SGCZ: variants seen among roughly 807,000 people sequenced by gnomAD.
SGCZ encodes the protein sarcoglycan zeta.
In SGCZ, 40 loss-of-function variants were observed where a neutral mutation model predicts 41.3. The ratio of observed to expected loss-of-function variants is 0.97; its 90% CI spans 0.75 to 1.26. The LOEUF (loss-of-function observed/expected upper bound fraction) is 1.26. Among genes scored for constraint, SGCZ ranks in the 50% most tolerant of loss-of-function variants. The pLI is 0.00. For missense variants in SGCZ, 552 were observed against 369.8 expected, an observed-to-expected ratio of 1.49 and a Z score of -4.04; for synonymous variants, 206 against 137.5, an observed-to-expected ratio of 1.50 and a Z score of -3.49.
intron 1 of SGCZ, among the ~76,000 whole-genome samples, chr8:14,930,724 A>C (rs1382616188): frequency 6.6e-6 from 1 of 152,004 alleles, no homozygotes; most frequent in Non-Finnish European, 1.5e-5. Flanking sequence ...TTCTCAGCAG[A>C]CTAACACAGG....
chr8:14,897,195 A>C (rs1805233093), intron 1 of SGCZ, among the ~76,000 whole-genome samples: 1 of 152,202 alleles, frequency 6.6e-6, no homozygotes, highest in Non-Finnish European at 1.5e-5. Context: ...ATGTAAAGGT[A>C]TTTTAATTAA....
At chr8:14,173,971 A>G (rs1256168300) in intron 4 of SGCZ, among the ~76,000 whole-genome samples, 1 of 152,120 alleles carries the variant, frequency 6.6e-6, no homozygotes, top group Non-Finnish European at 1.5e-5. Flanking sequence ...TATATTAATA[A>G]CTGCTAAGTA....
intron 1 of SGCZ, among the ~76,000 whole-genome samples, chr8:14,946,634 C>T (rs1800456558): frequency 6.6e-6 from 1 of 151,106 alleles, no homozygotes; most frequent in South Asian, 2.1e-4. Flanking sequence ...AGGATTGGCA[C>T]TGCTTCATAC....
intron 2 of SGCZ, among the ~76,000 whole-genome samples, chr8:14,489,866 C>CATTTTTGTT (rs142314868): frequency 7.3e-6 from 1 of 137,536 alleles, no homozygotes; most frequent in African/African-American, 2.8e-5. Flanking sequence ...AATTCTCCTA[C>CATTTTTGTT]CTTTTTTTTT....
intron 1 of SGCZ, among the ~76,000 whole-genome samples, chr8:14,743,036 T>A (rs534907966): frequency 6.6e-6 from 1 of 152,252 alleles, no homozygotes; most frequent in East Asian, 1.9e-4. Flanking sequence ...CTAATCTGCT[T>A]AATTAACTCA....
intron 1 of SGCZ, among the ~76,000 whole-genome samples, chr8:15,188,733 A>T (rs1336925804): frequency 6.6e-6 from 1 of 152,166 alleles, no homozygotes; most frequent in African/African-American, 2.4e-5. Flanking sequence ...TAATAAATAC[A>T]CATGCTGCAA....
intron 1 of SGCZ, among the ~76,000 whole-genome samples, chr8:15,220,921 C>G (rs952962753): frequency 6.6e-6 from 1 of 152,070 alleles, no homozygotes; most frequent in Admixed American, 6.5e-5. Flanking sequence ...GTACAGAAAA[C>G]CAAACACCAC....
intron 1 of SGCZ, among the ~76,000 whole-genome samples, chr8:14,653,359 A>C (rs2117461624): frequency 6.6e-6 from 1 of 152,254 alleles, no homozygotes; most frequent in Non-Finnish European, 1.5e-5. Context: ...TGAATGAAAG[A>C]AACATTTGAA....
chr8:14,250,573 C>T (rs971275334), intron 3 of SGCZ, among the ~76,000 whole-genome samples: 1 of 152,132 alleles, frequency 6.6e-6, no homozygotes, highest in African/African-American at 2.4e-5. Context: ...TATGGAACCA[C>T]ACATGAAAAG....
chr8:14,357,327 C>A (rs1803335397), intron 2 of SGCZ, among the ~76,000 whole-genome samples: 1 of 152,100 alleles, frequency 6.6e-6, no homozygotes, highest in Non-Finnish European at 1.5e-5. Context: ...TCTCAGTACA[C>A]TGAAATCTCA....
chr8:15,048,496 C>A (rs1250148110), intron 1 of SGCZ, among the ~76,000 whole-genome samples: 3 of 152,006 alleles, frequency 2.0e-5, no homozygotes, highest in African/African-American at 7.2e-5. Context: ...ACATCCCTAA[C>A]ACAAAGAAAT....
chr8:14,174,086 T>C (rs984790576), intron 4 of SGCZ, among the ~76,000 whole-genome samples: 2 of 151,894 alleles, frequency 1.3e-5, no homozygotes, highest in African/African-American at 4.8e-5. Flanking sequence ...ACAAAATATA[T>C]AGAATAAATA....
chr8:14,537,485 T>C (rs1198999246), intron 2 of SGCZ, among the ~76,000 whole-genome samples: 4 of 151,892 alleles, frequency 2.6e-5, no homozygotes, highest in Admixed American at 6.6e-5. Flanking sequence ...TATTTCAATA[T>C]TTGGCCTCAT....
chr8:14,486,632 G>A (rs1407132583), intron 2 of SGCZ, among the ~76,000 whole-genome samples: 1 of 152,144 alleles, frequency 6.6e-6, no homozygotes. Flanking sequence ...GAAGTGCCAC[G>A]GCACCATCAC....
Position 14,513,660 on chromosome 8 carries a change from T to C in SGCZ, c.234+41072A>G, listed in dbSNP as rs1287119624. ...TTAAAACTTGTCCAATTAAGGACAC[T>C]GTTAGTGATTTAATAGGAAATAAAT... On this transcript the variant is annotated intron_variant, in intron 2 of 7. Coordinates refer to ENST00000382080, the MANE Select transcript of SGCZ (RefSeq NM_139167.4). Among the ~76,000 whole-genome samples the C allele has an allele frequency of 3.3e-5, 5 of 152,052 alleles. No homozygotes were observed. The East Asian group carries it at 7.7e-4, about 23-fold the overall frequency.
chr8:14,335,814 T>A (rs1448229664), intron 2 of SGCZ, among the ~76,000 whole-genome samples: 1 of 152,158 alleles, frequency 6.6e-6, no homozygotes, highest in East Asian at 1.9e-4. Context: ...TTTGTTTGTG[T>A]GTCAGCTTGT....
At chr8:14,146,313 G>T (rs1803518720) in intron 5 of SGCZ, among the ~76,000 whole-genome samples, 1 of 152,048 alleles carries the variant, frequency 6.6e-6, no homozygotes. Context: ...CAAAAAAATG[G>T]TTACCCTAGA....
rs116524700 is a variant in SGCZ at position 14,907,460 on chromosome 8, T to C, written c.39+330125A>G. ...GCCTCAGCCTCTCAAAGTGCTAGAA[T>C]TGCAGGCATAAGCCACTGCTCCCAG... On this transcript the variant is annotated intron_variant, in intron 1 of 7. Transcript: ENST00000382080. Among the ~76,000 whole-genome samples the C allele has an allele frequency of 5.5e-3, 838 of 152,226 alleles. 7 individuals carry two copies. The highest frequency in any genetic ancestry group is 0.019 in the African/African-American group (802 of 41,530).
rs958352639 is a variant in SGCZ at position 14,086,188 on chromosome 8, C to T, written c.*4255G>A. 2.0e-5 allele frequency among the ~76,000 whole-genome samples: 3 copies of T among 151,632 alleles called. No individual in the cohort carries two copies. The highest frequency in any genetic ancestry group is 4.4e-5 in the Non-Finnish European group (3 of 67,758). ...TGAAGAATTAGGTGACAAGACCTCA[C>T]TCATATAAAACTCAAATATGAATTT... is the stretch of plus-strand genomic sequence containing the variant. On this transcript the variant is annotated 3_prime_UTR_variant, in exon 8 of 8. Coordinates refer to ENST00000382080, the MANE Select transcript of SGCZ (RefSeq NM_139167.4).
Sources: allele counts gnomAD v4.1 joint callset (sites outside exome capture counted in the v4.1 genomes callset), GRCh38; gene constraint gnomAD v4.1.1; transcripts MANE v1.5; gene names NCBI Gene and HGNC (gene_info 2026-07-23, HGNC 2026-07-21).